The following CDKL4 variants were observed in gnomAD, a reference collection of about 807,000 sequenced individuals.
CDKL4 encodes cyclin dependent kinase like 4.
A neutral mutation model predicts 42.0 loss-of-function variants in CDKL4; 44 were observed. The ratio of observed to expected loss-of-function variants is 1.05; its 90% confidence interval spans 0.82 to 1.35. CDKL4 has a LOEUF of 1.35. Among genes scored for constraint, CDKL4 ranks in the 40% most tolerant of loss-of-function variants. The pLI is 0.00. For synonymous variants in CDKL4, 120 were observed against 121.6 expected (o/e 0.99, Z 0.09); for missense variants, 393 against 369.9 (o/e 1.06, Z -0.51).
chr2:39,173,605 C>T (rs1234713939), downstream of CDKL4, among the ~76,000 whole-genome samples: 3 of 151,808 alleles, frequency 2.0e-5, no homozygotes, highest in African/African-American at 4.8e-5. Flanking sequence ...GTCAGAAGAT[C>T]GAGACTATCC....
At position 39,233,296 on chromosome 2, in the gene CDKL4, G is replaced by C. The variant is rs560333641; in HGVS notation, c.-56-3708C>G. ...ACCCTAAGTGTGTCCTGGTAGATCA[G>C]AACACTCACTACAAGGAAGGGGTGT... is the stretch of plus-strand genomic sequence containing the variant. On this transcript the variant is annotated intron_variant, in intron 1 of 9. Coordinates refer to ENST00000451199, the Ensembl canonical transcript of CDKL4. 3.2e-4 allele frequency among the ~76,000 whole-genome samples: 48 copies of C among 152,156 alleles called. 1 individual carries two copies. The South Asian group carries it at 5.6e-3, about 18-fold the overall frequency.
downstream of CDKL4, among the ~76,000 whole-genome samples, chr2:39,170,980 G>A (rs1641658719): frequency 6.6e-6 from 1 of 151,936 alleles, no homozygotes; most frequent in Non-Finnish European, 1.5e-5. Flanking sequence ...GCTCATTCCT[G>A]TAATCTCAGC....
At chr2:39,186,963 TTA>T (rs1421237713) in intron 7 of CDKL4, among the ~76,000 whole-genome samples, 2 of 152,190 alleles carry the variant, frequency 1.3e-5, no homozygotes, top group African/African-American at 2.4e-5. Flanking sequence ...AATGTAGTTT[TTA>T]TATAGTTTCT....
intron 1 of CDKL4, 133 bp from the exon 2 acceptor site, chr2:39,229,721 G>A: frequency 2.2e-6 from 1 of 448,962 alleles, no homozygotes; most frequent in East Asian, 3.6e-5. Flanking sequence ...AAAAATATTT[G>A]GATATTATTT....
intron 3 of CDKL4, among the ~76,000 whole-genome samples, chr2:39,225,541 G>A (rs1019965715): frequency 6.6e-6 from 1 of 151,896 alleles, no homozygotes; most frequent in Non-Finnish European, 1.5e-5. Flanking sequence ...TGAATTATAT[G>A]AATAGGTTTC....
At chr2:39,206,858 T>C (rs190546688) in intron 4 of CDKL4, among the ~76,000 whole-genome samples, 4 of 152,338 alleles carry the variant, frequency 2.6e-5, no homozygotes, top group Admixed American at 2.6e-4. Context: ...TTTAAGCATT[T>C]TTGTCAAACT....
At chr2:39,228,633 C>T (rs541909977) in intron 2 of CDKL4, among the ~76,000 whole-genome samples, 2 of 152,172 alleles carry the variant, frequency 1.3e-5, no homozygotes, top group African/African-American at 4.8e-5. Context: ...CCACCCCAGA[C>T]CTCCCAACTC....
chr2:39,210,183 G>A (rs1443050481), intron 4 of CDKL4, among the ~76,000 whole-genome samples: 1 of 152,072 alleles, frequency 6.6e-6, no homozygotes, highest in Admixed American at 6.6e-5. Flanking sequence ...TAGAGACAGG[G>A]TTTCACCATG....
intron 1 of CDKL4, 118 bp from the exon 2 acceptor site, chr2:39,229,706 C>T: frequency 2.2e-6 from 1 of 452,868 alleles, no homozygotes; most frequent in Admixed American, 4.1e-5. Context: ...ATTGGAAATC[C>T]ACTTAAAAAT....
chr2:39,187,854 C>T (rs996182606), intron 6 of CDKL4, 145 bp from the exon 7 acceptor site: 34 of 594,388 alleles, frequency 5.7e-5, no homozygotes, highest in Middle Eastern at 4.2e-4. Context: ...GATCACTTGA[C>T]GTCAAGAGTT....
chr2:39,204,516 T>C lies in CDKL4; in HGVS notation c.454+11A>G. 1 of 1,533,900 alleles carries C rather than the reference T, an allele frequency of 6.5e-7. No homozygotes were observed. Among genetic ancestry groups the C allele is most frequent in the Non-Finnish European group, 9.0e-7 (1 of 1,109,412 alleles). On this transcript the variant is annotated intron_variant, in intron 5 of 9. Transcript: ENST00000451199. Reference sequence around the variant, plus strand: ...CTGAACTGGGTATTAGTAAAAAAAATTGCTACTTACTCAGAATTTGTGCAA... The same window carrying C: ...CTGAACTGGGTATTAGTAAAAAAAACTGCTACTTACTCAGAATTTGTGCAA...
In CDKL4 at chr2:39,232,997, A is replaced by G. The variant is rs1052867106; in HGVS notation, c.-56-3409T>C. Among the ~76,000 whole-genome samples the G allele has an allele frequency of 2.2e-5, 3 of 137,032 alleles. No individual in the cohort carries two copies. The South Asian group carries it at 7.4e-4, about 34-fold the overall frequency. 89.9% of individuals were successfully genotyped at this position (137,032 alleles called of 152,430 possible). ...GAGGCGGAGGTTGCAGTGAGCCGAG[A>G]TCGTACCACTGCACTCCAGCCTGGG... On this transcript the variant is annotated intron_variant, in intron 1 of 9. Transcript: ENST00000451199.
At chr2:39,173,806 C>G (rs1281926875), downstream of CDKL4, among the ~76,000 whole-genome samples, 1 of 86,950 alleles carries the variant, frequency 1.2e-5, no homozygotes, top group African/African-American at 3.5e-5. Flanking sequence ...GAGTGAGACT[C>G]CATCTCAAAA....
intron 5 of CDKL4, among the ~76,000 whole-genome samples, chr2:39,199,324 G>T (rs1329467242): frequency 6.6e-6 from 1 of 151,942 alleles, no homozygotes; most frequent in Non-Finnish European, 1.5e-5. Flanking sequence ...CCAATAAGAA[G>T]CAGCGAGATT....
At chr2:39,239,735 TC>T (rs1679558434) in intron 1 of CDKL4, among the ~76,000 whole-genome samples, 1 of 152,184 alleles carries the variant, frequency 6.6e-6, no homozygotes, top group Non-Finnish European at 1.5e-5. Flanking sequence ...CTCACACAAA[TC>T]ACTGGTGAGG....
At chr2:39,177,630 C>T (rs1354704038) in intron 9 of CDKL4, among the ~76,000 whole-genome samples, 2 of 150,364 alleles carry the variant, frequency 1.3e-5, no homozygotes, top group African/African-American at 4.9e-5. Context: ...GTCTTAAACT[C>T]CTGACCGAGT....
intron 1 of CDKL4, among the ~76,000 whole-genome samples, chr2:39,239,357 GA>G (rs1233463063): frequency 1.3e-5 from 2 of 151,830 alleles, no homozygotes; most frequent in African/African-American, 4.8e-5. Flanking sequence ...AGATAAAATG[GA>G]ATTTATCAAC....
intron 2 of CDKL4, among the ~76,000 whole-genome samples, chr2:39,227,770 T>C (rs562977583): frequency 3.3e-4 from 51 of 152,338 alleles, no homozygotes; most frequent in South Asian, 8.3e-4. Context: ...TACAGTTTGA[T>C]GCAATGTCAA....
chr2:39,238,254 G>C (rs1445016970), intron 1 of CDKL4, among the ~76,000 whole-genome samples: 3 of 152,128 alleles, frequency 2.0e-5, no homozygotes, highest in African/African-American at 4.8e-5. Flanking sequence ...AACATAGTGA[G>C]ACCCTATCTC....
Sources: gnomAD v4.1 joint callset for allele counts (sites outside exome capture counted in the v4.1 genomes callset) on GRCh38, gnomAD v4.1.1 for gene constraint, MANE v1.5 for transcripts, NCBI Gene and HGNC (gene_info 2026-07-23, HGNC 2026-07-21) for gene names.